The following MEI1 variants were observed in gnomAD, a reference collection of about 807,000 sequenced individuals.
MEI1 encodes the protein meiotic double-stranded break formation protein 1.
A neutral mutation model predicts 146.2 loss-of-function variants in MEI1; 103 were observed. The observed-to-expected ratio is 0.70, with a 90% CI of 0.60 to 0.83. MEI1 has a LOEUF of 0.83. Among genes scored for constraint, MEI1 ranks in the 40% least tolerant of loss-of-function variants. The probability of loss-of-function intolerance (pLI) is 0.00; values close to 1 mark genes in which losing one functional copy is unlikely to be tolerated. For synonymous variants in MEI1, 652 were observed against 628.2 expected (o/e 1.04, Z -0.57); for missense variants, 1,529 against 1,533.0 (o/e 1.00, Z 0.04).
chr22:41,779,940 T>A (rs932509110), intron 22 of MEI1, among the ~76,000 whole-genome samples: 3 of 152,210 alleles, frequency 2.0e-5, no homozygotes, highest in African/African-American at 7.2e-5. Flanking sequence ...CTTCAGTGTT[T>A]GTGGACCCCC....
intron 4 of MEI1, among the ~76,000 whole-genome samples, chr22:41,715,015 A>G (rs1388724303): frequency 6.6e-6 from 1 of 152,250 alleles, no homozygotes; most frequent in Non-Finnish European, 1.5e-5. Context: ...AGAACATTTC[A>G]TTATAAATTA....
chr22:41,714,284 C>G (rs931408678), intron 4 of MEI1, among the ~76,000 whole-genome samples: 1 of 152,182 alleles, frequency 6.6e-6, no homozygotes, highest in African/African-American at 2.4e-5. Context: ...CCCTTTCAAT[C>G]TCCCAAATGT....
At chr22:41,746,645 C>A (rs1230133565) in intron 14 of MEI1, among the ~76,000 whole-genome samples, 1 of 152,150 alleles carries the variant, frequency 6.6e-6, no homozygotes, top group Non-Finnish European at 1.5e-5. Context: ...CTCTGGGTAA[C>A]CTTGGATGAG....
In MEI1 at chr22:41,781,844, A is replaced by T; in HGVS notation, c.3086A>T (p.Gln1029Leu). The change falls in exon 24 of 31, where the codon CAG becomes CTG. Residue 1029 changes from glutamine (Q) to leucine (L), a missense_variant and splice_region_variant. Gln to Leu is a moderately radical substitution (Grantham distance 113). Coordinates refer to ENST00000401548, the MANE Select transcript of MEI1 (RefSeq NM_152513.4). ...FSAQQHKGSL[Q>L]VHQTLSVEMD... Reference sequence around the variant, plus strand: ...GCCCAGCAGCACAAGGGCAGTTTGCAGGTTAGTCTTTAACTCCTGTGGCTT... The same window carrying T: ...GCCCAGCAGCACAAGGGCAGTTTGCTGGTTAGTCTTTAACTCCTGTGGCTT... 6.2e-7 allele frequency: 1 copy of T among 1,613,910 alleles called. No individual in the cohort carries two copies. The highest frequency in any genetic ancestry group is 8.5e-7 in the Non-Finnish European group (1 of 1,179,872).
intron 28 of MEI1, among the ~76,000 whole-genome samples, chr22:41,794,757 A>G (rs1246559721): frequency 2.0e-5 from 3 of 152,210 alleles, no homozygotes; most frequent in Non-Finnish European, 4.4e-5. Context: ...AAGGATATCA[A>G]TGAACCAGAT....
chr22:41,786,916 T>C (rs1297651765), intron 26 of MEI1, among the ~76,000 whole-genome samples: 1 of 152,254 alleles, frequency 6.6e-6, no homozygotes, highest in Non-Finnish European at 1.5e-5. Flanking sequence ...CCCAATGTCA[T>C]GGCCTATGAA....
At chr22:41,761,321 T>G (rs2074474301) in intron 18 of MEI1, among the ~76,000 whole-genome samples, 1 of 28,340 alleles carries the variant, frequency 3.5e-5, no homozygotes, top group African/African-American at 7.9e-4. Context: ...TTTTTTTTGT[T>G]TTTTTTTTTT....
chr22:41,785,597 C>T (rs2075940243), intron 26 of MEI1, among the ~76,000 whole-genome samples: 1 of 149,106 alleles, frequency 6.7e-6, no homozygotes, highest in Admixed American at 6.8e-5. Flanking sequence ...GAGTTTGGCT[C>T]TTGTTGCCCA....
At chr22:41,780,249 A>G (rs1261414401) in intron 22 of MEI1, among the ~76,000 whole-genome samples, 1 of 152,186 alleles carries the variant, frequency 6.6e-6, no homozygotes, top group African/African-American at 2.4e-5. Context: ...GCACTTCTAT[A>G]TGACAGCAGA....
chr22:41,796,422 C>G (rs977823386), intron 30 of MEI1, among the ~76,000 whole-genome samples: 1 of 151,460 alleles, frequency 6.6e-6, no homozygotes, highest in Non-Finnish European at 1.5e-5. Context: ...TCTCGAACTC[C>G]TGACCTTGCG....
chr22:41,736,962 C>T (rs1261758577), intron 11 of MEI1, among the ~76,000 whole-genome samples: 1 of 152,156 alleles, frequency 6.6e-6, no homozygotes, highest in Non-Finnish European at 1.5e-5. Context: ...TAGAGAAAAA[C>T]ACCCAATTTG....
intron 7 of MEI1, among the ~76,000 whole-genome samples, chr22:41,728,378 C>T (rs1373759697): frequency 6.6e-6 from 1 of 152,162 alleles, no homozygotes; most frequent in Admixed American, 6.5e-5. Context: ...TCTGTGCACT[C>T]AATAAATTGA....
At chr22:41,784,115 G>C (rs577707947) in intron 24 of MEI1, among the ~76,000 whole-genome samples, 1 of 152,200 alleles carries the variant, frequency 6.6e-6, no homozygotes, top group South Asian at 2.1e-4. Flanking sequence ...AGTGAGGATG[G>C]GGGAGATTTG....
chr22:41,753,249 G>C (rs746967694), intron 16 of MEI1, among the ~76,000 whole-genome samples: 1 of 151,986 alleles, frequency 6.6e-6, no homozygotes, highest in South Asian at 2.1e-4. Flanking sequence ...TGATCCGCCC[G>C]CCTTGGCCTC....
At chr22:41,786,098 G>A (rs947350500) in intron 26 of MEI1, among the ~76,000 whole-genome samples, 2 of 150,090 alleles carry the variant, frequency 1.3e-5, no homozygotes, top group African/African-American at 2.4e-5. Flanking sequence ...TTTTAGTAGA[G>A]ACGGGGTTTC....
At chr22:41,760,643 C>G (rs1236629719) in intron 18 of MEI1, among the ~76,000 whole-genome samples, 1 of 152,182 alleles carries the variant, frequency 6.6e-6, no homozygotes, top group African/African-American at 2.4e-5. Flanking sequence ...AAGCTACTGC[C>G]TTAAAATCTG....
intron 24 of MEI1, among the ~76,000 whole-genome samples, chr22:41,783,052 C>G (rs1219418418): frequency 6.6e-6 from 1 of 152,200 alleles, no homozygotes. Context: ...AGGCCTGGCC[C>G]TCTGCAGCCT....
chr22:41,765,312 A>G (rs1211199942), intron 19 of MEI1, among the ~76,000 whole-genome samples: 1 of 151,946 alleles, frequency 6.6e-6, no homozygotes, highest in Non-Finnish European at 1.5e-5. Context: ...CACCGTGCCC[A>G]GCCAGAAAAT....
At chr22:41,719,905 A>G (rs1359264221) in intron 6 of MEI1, among the ~76,000 whole-genome samples, 3 of 152,154 alleles carry the variant, frequency 2.0e-5, no homozygotes, top group African/African-American at 4.8e-5. Flanking sequence ...AGCATAGTCT[A>G]TTGGTGACAG....
Sources: allele counts gnomAD v4.1 joint callset (sites outside exome capture counted in the v4.1 genomes callset), GRCh38; gene constraint gnomAD v4.1.1; transcripts MANE v1.5; gene names NCBI Gene and HGNC (gene_info 2026-07-23, HGNC 2026-07-21).